Variants in ZBTB20 observed in about 807,000 individuals in gnomAD.
The protein encoded by ZBTB20 is zinc finger and BTB domain containing 20.
ZBTB20 carries 9 observed loss-of-function variants against 56.9 expected under a neutral mutation model. The ratio of observed to expected loss-of-function variants is 0.16; its 90% confidence interval spans 0.10 to 0.28. The LOEUF (loss-of-function observed/expected upper bound fraction) is 0.28. ZBTB20 is among the 10% of genes least tolerant of loss of function. The probability of loss-of-function intolerance (pLI) is 1.00; values close to 1 mark genes in which losing one functional copy is unlikely to be tolerated. For synonymous variants in ZBTB20, 417 were observed against 420.7 expected, an observed-to-expected ratio of 0.99 and a Z score of 0.11; for missense variants, 655 against 1,003.0, an observed-to-expected ratio of 0.65 and a Z score of 4.69.
intron 4 of ZBTB20, among the ~76,000 whole-genome samples, chr3:114,839,605 C>G (rs114350561): frequency 6.6e-6 from 1 of 152,082 alleles, no homozygotes; most frequent in African/African-American, 2.4e-5. Context: ...AAAAGAAACG[C>G]CCACATTCTA....
At chr3:114,568,208 A>G (rs1235837954) in intron 6 of ZBTB20, among the ~76,000 whole-genome samples, 1 of 152,202 alleles carries the variant, frequency 6.6e-6, no homozygotes, top group East Asian at 1.9e-4. Flanking sequence ...ACAACTAATT[A>G]GTAAAATTCC....
chr3:114,590,231 G>A (rs2055604653), intron 6 of ZBTB20, among the ~76,000 whole-genome samples: 1 of 152,070 alleles, frequency 6.6e-6, no homozygotes, highest in Non-Finnish European at 1.5e-5. Context: ...GAGGCGGGCG[G>A]ATCACCTGAG....
intron 6 of ZBTB20, among the ~76,000 whole-genome samples, chr3:114,680,139 G>A (rs1315180106): frequency 1.3e-5 from 2 of 152,252 alleles, no homozygotes; most frequent in African/African-American, 4.8e-5. Context: ...CTATCTGGGG[G>A]TCTACGGCTA....
intron 5 of ZBTB20, among the ~76,000 whole-genome samples, chr3:114,704,213 TTATTAC>T (rs1240878715): frequency 1.3e-5 from 2 of 152,262 alleles, no homozygotes; most frequent in East Asian, 3.9e-4. Flanking sequence ...TCTAACTCTT[TTATTAC>T]AAAGACTTCA....
At chr3:114,616,802 T>C (rs2057975748) in intron 6 of ZBTB20, among the ~76,000 whole-genome samples, 1 of 152,210 alleles carries the variant, frequency 6.6e-6, no homozygotes, top group Non-Finnish European at 1.5e-5. Flanking sequence ...AAATTTGTAA[T>C]CTTCCCCCAT....
intron 4 of ZBTB20, among the ~76,000 whole-genome samples, chr3:114,839,721 C>T (rs767472402): frequency 9.2e-5 from 14 of 151,952 alleles, no homozygotes; most frequent in African/African-American, 1.2e-4. Context: ...CCAGGGAAGC[C>T]GTAAATCCAA....
At chr3:114,752,305 G>T (rs1450954852) in intron 5 of ZBTB20, among the ~76,000 whole-genome samples, 1 of 152,120 alleles carries the variant, frequency 6.6e-6, no homozygotes, top group Non-Finnish European at 1.5e-5. Context: ...TTGTTCAAGA[G>T]AATACTCCAT....
intron 6 of ZBTB20, among the ~76,000 whole-genome samples, chr3:114,500,731 C>T (rs2043850405): frequency 6.6e-6 from 1 of 152,166 alleles, no homozygotes; most frequent in Non-Finnish European, 1.5e-5. Context: ...TAGCCACTAG[C>T]CACATTTGTC....
chr3:114,967,740 C>T (rs1031763802), intron 3 of ZBTB20, among the ~76,000 whole-genome samples: 2 of 151,806 alleles, frequency 1.3e-5, no homozygotes, highest in Non-Finnish European at 2.9e-5. Context: ...GTGGATCACC[C>T]GAGGTCAGGA....
intron 1 of ZBTB20, among the ~76,000 whole-genome samples, chr3:115,134,667 G>A (rs1219362887): frequency 6.6e-6 from 1 of 152,044 alleles, no homozygotes; most frequent in Non-Finnish European, 1.5e-5. Context: ...TTCCTTAAGT[G>A]CTCCCAATTT....
intron 2 of ZBTB20, among the ~76,000 whole-genome samples, chr3:115,008,051 A>T (rs1478805328): frequency 2.6e-5 from 4 of 151,740 alleles, no homozygotes; most frequent in African/African-American, 7.3e-5. Context: ...TTGAGTGATT[A>T]TATTCACATC....
intron 7 of ZBTB20, among the ~76,000 whole-genome samples, chr3:114,496,731 A>G (rs1367333416): frequency 6.6e-6 from 1 of 152,256 alleles, no homozygotes; most frequent in Non-Finnish European, 1.5e-5. Flanking sequence ...CCGGCTGTGC[A>G]TAAGTTGCAA....
At chr3:114,424,284 C>G (rs941770984) in intron 7 of ZBTB20, among the ~76,000 whole-genome samples, 1 of 152,156 alleles carries the variant, frequency 6.6e-6, no homozygotes, top group South Asian at 2.1e-4. Flanking sequence ...CTGTGCCATG[C>G]ACTTCACACC....
intron 10 of ZBTB20, 153 bp from the exon 11 acceptor site, chr3:114,352,031 C>T (rs1418690258): frequency 5.1e-6 from 5 of 983,002 alleles, no homozygotes; most frequent in Non-Finnish European, 7.3e-6. Flanking sequence ...CTGCGGCATA[C>T]AAGCTGTAGG....
At chr3:114,772,801 C>T (rs2108747314) in intron 5 of ZBTB20, among the ~76,000 whole-genome samples, 2 of 152,150 alleles carry the variant, frequency 1.3e-5, no homozygotes, top group African/African-American at 2.4e-5. Context: ...GCCTAAAGCC[C>T]AGAACCTGTG....
intron 7 of ZBTB20, among the ~76,000 whole-genome samples, chr3:114,430,715 T>TA: frequency 6.6e-6 from 1 of 152,274 alleles, no homozygotes. Context: ...GCTAAAAACA[T>TA]AAAAAATACC....
At chr3:114,822,972 G>A (rs1234548279) in intron 4 of ZBTB20, among the ~76,000 whole-genome samples, 4 of 151,994 alleles carry the variant, frequency 2.6e-5, no homozygotes, top group African/African-American at 4.8e-5. Context: ...TCTCTTTGGA[G>A]AAATCACAGT....
At position 114,338,985 on chromosome 3, in the gene ZBTB20, G is replaced by T. The variant is rs768351077; in HGVS notation, c.*20C>A. On this transcript the variant is annotated 3_prime_UTR_variant, in exon 12 of 12. Transcript: ENST00000675478. Reference sequence around the variant, plus strand: ...TGTTGTTGTTTTGTTTTGTTCATAAGAAAGAGAGAAAGATACTACTTATCC... The same window carrying T: ...TGTTGTTGTTTTGTTTTGTTCATAATAAAGAGAGAAAGATACTACTTATCC... The T allele has an allele frequency of 1.3e-6, 2 of 1,486,462 alleles. No individual in the cohort carries two copies. Among genetic ancestry groups the T allele is most frequent in the South Asian group, 2.9e-5 (2 of 68,080 alleles). 92.1% of individuals were successfully genotyped at this position (1,486,462 alleles called of 1,614,324 possible).
chr3:114,991,199 G>A (rs561440289), intron 2 of ZBTB20, among the ~76,000 whole-genome samples: 10 of 152,078 alleles, frequency 6.6e-5, no homozygotes, highest in African/African-American at 1.9e-4. Context: ...TGTGATGTTC[G>A]GGTGTCAATT....
Sources: allele counts gnomAD v4.1 joint callset (sites outside exome capture counted in the v4.1 genomes callset), GRCh38; gene constraint gnomAD v4.1.1; transcripts MANE v1.5; gene names NCBI Gene and HGNC (gene_info 2026-07-23, HGNC 2026-07-21).